FAM114A1: variants seen among roughly 807,000 people sequenced by gnomAD.
FAM114A1 encodes protein NOXP20.
In FAM114A1, 62 loss-of-function variants were observed where a neutral mutation model predicts 64.3. That is an observed-to-expected ratio of 0.96 (90% CI 0.79 to 1.19). FAM114A1 has a LOEUF of 1.19. Among genes scored for constraint, FAM114A1 ranks in the 50% most tolerant of loss-of-function variants. FAM114A1 has a pLI of 0.00. For synonymous variants in FAM114A1, 254 were observed against 251.1 expected (o/e 1.01, Z -0.11); for missense variants, 645 against 676.3 (o/e 0.95, Z 0.51).
At chr4:38,882,393 GC>G (rs1381136630) in intron 3 of FAM114A1, among the ~76,000 whole-genome samples, 3 of 151,840 alleles carry the variant, frequency 2.0e-5, no homozygotes, top group Non-Finnish European at 4.4e-5. Flanking sequence ...ACTTTGGGAG[GC>G]CGAGGGGACC....
In FAM114A1 at chr4:38,878,249, T is replaced by C; in HGVS notation, c.171T>C (p.Ala57=). The change falls in exon 3 of 15, where the codon GCT becomes GCC. Residue 57 remains alanine (A), a synonymous_variant. Coordinates refer to ENST00000358869, the MANE Select transcript of FAM114A1 (RefSeq NM_138389.4). ...GAGGGGAGGGGCATGAAAATGCAGCTGTGCAGGGTGCAGGGGCTGCCGCCA... is the reference window on the plus strand; with the variant it reads ...GAGGGGAGGGGCATGAAAATGCAGCCGTGCAGGGTGCAGGGGCTGCCGCCA... ...DPRGEGHENA[A]VQGAGAAAIG... 1.2e-6 allele frequency: 2 copies of C among 1,614,236 alleles called. No individual in the cohort carries two copies. The highest frequency in any genetic ancestry group is 1.7e-6 in the Non-Finnish European group (2 of 1,180,032).
At chr4:38,921,327 A>G (rs1175780720) in intron 8 of FAM114A1, among the ~76,000 whole-genome samples, 1 of 152,122 alleles carries the variant, frequency 6.6e-6, no homozygotes, top group African/African-American at 2.4e-5. Flanking sequence ...GCACAATCAT[A>G]GTTCACTGCA....
At chr4:38,930,466 C>T (rs1310517643) in intron 10 of FAM114A1, among the ~76,000 whole-genome samples, 3 of 152,022 alleles carry the variant, frequency 2.0e-5, no homozygotes, top group Admixed American at 1.3e-4. Context: ...CATTCATCTC[C>T]GTGCAGCATC....
chr4:38,911,431 C>T (rs945518489), intron 7 of FAM114A1, among the ~76,000 whole-genome samples: 1 of 152,216 alleles, frequency 6.6e-6, no homozygotes, highest in African/African-American at 2.4e-5. Flanking sequence ...AGCATTTATG[C>T]TCCCAGGAGT....
intron 8 of FAM114A1, among the ~76,000 whole-genome samples, chr4:38,920,610 T>G (rs1719496442): frequency 6.6e-6 from 1 of 152,184 alleles, no homozygotes; most frequent in South Asian, 2.1e-4. Context: ...TCCAGATGAT[T>G]GCCATCCGCC....
At chr4:38,898,884 A>G (rs1717209954) in intron 4 of FAM114A1, among the ~76,000 whole-genome samples, 1 of 150,334 alleles carries the variant, frequency 6.7e-6, no homozygotes, top group Non-Finnish European at 1.5e-5. Context: ...AAGAGTCTGA[A>G]ACACAGTCAG....
intron 9 of FAM114A1, among the ~76,000 whole-genome samples, chr4:38,923,133 A>G (rs527348005): frequency 5.9e-5 from 9 of 152,002 alleles, no homozygotes; most frequent in Non-Finnish European, 1.3e-4. Context: ...GGCACATCAC[A>G]GGCATGCAGT....
At position 38,878,412 on chromosome 4, in the gene FAM114A1, G is replaced by A; in HGVS notation, c.334G>A (p.Glu112Lys). 6.3e-7 allele frequency: 1 copy of A among 1,593,286 alleles called. No individual in the cohort carries two copies. Among genetic ancestry groups the A allele is most frequent in the Non-Finnish European group, 8.6e-7 (1 of 1,168,954 alleles). The change falls in exon 3 of 15, where the codon GAA (glutamate) becomes AAA (lysine). Residue 112 changes from glutamate (E) to lysine (K), a missense_variant. Physicochemically the swap from Glu to Lys is moderately conservative, Grantham distance 56. Transcript: ENST00000358869. ...ACCCAGATCCGAAATACCCCTGCAA[G>A]AACAGAATTATCTGGTAAGAATGGG... ...AEPRSEIPLQ[E>K]QNYLAVDSPP...
intron 4 of FAM114A1, among the ~76,000 whole-genome samples, chr4:38,903,850 G>T (rs1717739539): frequency 1.3e-5 from 2 of 152,122 alleles, no homozygotes; most frequent in South Asian, 4.1e-4. Flanking sequence ...ACATTTCAGG[G>T]TTTTCTAGGT....
intron 13 of FAM114A1, among the ~76,000 whole-genome samples, chr4:38,936,755 G>A (rs991242291): frequency 6.6e-6 from 1 of 151,902 alleles, no homozygotes; most frequent in Admixed American, 6.6e-5. Context: ...GTTTCACCAT[G>A]TTGGCCAGGC....
intron 3 of FAM114A1, among the ~76,000 whole-genome samples, chr4:38,882,163 T>C (rs1316598799): frequency 1.4e-5 from 2 of 143,776 alleles, no homozygotes; most frequent in African/African-American, 5.3e-5. Context: ...ATACAAAAAA[T>C]TAGCCGGGCG....
chr4:38,870,351 A>G (rs1285866475), intron 2 of FAM114A1, among the ~76,000 whole-genome samples: 2 of 152,190 alleles, frequency 1.3e-5, no homozygotes, highest in African/African-American at 4.8e-5. Context: ...GTTCAGGCAC[A>G]TCTGTCCTTG....
intron 4 of FAM114A1, among the ~76,000 whole-genome samples, chr4:38,894,227 G>T (rs1278427610): frequency 6.8e-6 from 1 of 146,104 alleles, no homozygotes; most frequent in Admixed American, 6.9e-5. Context: ...CTTTTGACTT[G>T]ATCCGACGTC....
intron 3 of FAM114A1, among the ~76,000 whole-genome samples, chr4:38,889,654 G>A (rs1372177791): frequency 6.6e-6 from 1 of 152,168 alleles, no homozygotes; most frequent in Non-Finnish European, 1.5e-5. Flanking sequence ...TGAGTAACTT[G>A]TTGTCCAAAA....
intron 9 of FAM114A1, among the ~76,000 whole-genome samples, chr4:38,925,870 A>ATT (rs139010180): frequency 8.6e-5 from 13 of 150,900 alleles, no homozygotes; most frequent in Non-Finnish European, 1.0e-4. Flanking sequence ...TTTCTCTATG[A>ATT]TTTTTTTTTT....
intron 6 of FAM114A1, among the ~76,000 whole-genome samples, chr4:38,906,969 T>A (rs28496714): frequency 0.014 from 2,191 of 152,282 alleles, 44 homozygotes; most frequent in South Asian, 0.055. Context: ...CTATGCTAGA[T>A]CTTGGATATA....
Position 38,904,144 on chromosome 4 carries a change from C to T in FAM114A1, c.437-1378C>T, listed in dbSNP as rs140663945. Among the ~76,000 whole-genome samples the T allele has an allele frequency of 8.6e-3, 1,302 of 152,240 alleles. 27 individuals are homozygous for T. Among genetic ancestry groups the T allele is most frequent in the African/African-American group, 0.03 (1,235 of 41,536 alleles). ...ATATTACTGCCTTGTGTTTTAGCAA[C>T]CTGAGGTCACCCAGGTCCCGAGAGA... On this transcript the variant is annotated intron_variant, in intron 4 of 14. Transcript: ENST00000358869.
At chr4:38,887,208 G>A (rs1715904538) in intron 3 of FAM114A1, among the ~76,000 whole-genome samples, 1 of 152,130 alleles carries the variant, frequency 6.6e-6, no homozygotes, top group African/African-American at 2.4e-5. Context: ...GTTTAATTGG[G>A]TTTAAACAAT....
chr4:38,871,998 A>G (rs2109516812), intron 2 of FAM114A1, among the ~76,000 whole-genome samples: 1 of 152,280 alleles, frequency 6.6e-6, no homozygotes, highest in South Asian at 2.1e-4. Flanking sequence ...GTGCAATCTC[A>G]TGTCTTGGGT....
Sources: gnomAD v4.1 joint callset for allele counts (sites outside exome capture counted in the v4.1 genomes callset) on GRCh38, gnomAD v4.1.1 for gene constraint, MANE v1.5 for transcripts, NCBI Gene and HGNC (gene_info 2026-07-23, HGNC 2026-07-21) for gene names.